Variants in DENND5A observed in about 807,000 individuals in gnomAD.
DENND5A encodes DENN domain containing 5A.
In DENND5A, 64 loss-of-function variants were observed where a neutral mutation model predicts 140.3. That is an observed-to-expected ratio of 0.46 (90% CI 0.37 to 0.56). The LOEUF is 0.56. DENND5A is among the 20% of genes least tolerant of loss of function. The pLI, the probability that DENND5A is intolerant of heterozygous loss-of-function variation, is 0.00. For synonymous variants in DENND5A, 605 were observed against 607.7 expected (o/e 1.00, Z 0.07); for missense variants, 1,292 against 1,593.8 (o/e 0.81, Z 3.22).
intron 1 of DENND5A, among the ~76,000 whole-genome samples, chr11:9,243,019 C>CAGAAGTTGCA (rs1851301857): frequency 7.3e-6 from 1 of 137,168 alleles, no homozygotes; most frequent in Non-Finnish European, 1.5e-5. Context: ...GCCCAGGAGG[C>CAGAAGTTGCA]AGAAGTTGCA....
At position 9,160,752 on chromosome 11, in the gene DENND5A, G is replaced by A. The variant is rs766543790; in HGVS notation, c.2397C>T (p.Leu799=). The change falls in exon 12 of 23, where the codon CTC becomes CTT. Residue 799 remains leucine, a synonymous_variant. Transcript: ENST00000328194. ...GTCCATGACTCCAGATCCTTTCCAG[G>A]AGATCACAAAGGCTGGCAATCAGGG... The part of the protein sequence containing the change: ...ENTLIASLCD[L]LERIWSHGLQ... 16 of 1,613,486 alleles carry A rather than the reference G, an allele frequency of 9.9e-6. No homozygotes were observed. Among genetic ancestry groups the A allele is most frequent in the Non-Finnish European group, 1.4e-5 (16 of 1,179,620 alleles).
At chr11:9,235,595 T>G (rs1278963827) in intron 1 of DENND5A, among the ~76,000 whole-genome samples, 1 of 151,102 alleles carries the variant, frequency 6.6e-6, no homozygotes, top group Non-Finnish European at 1.5e-5. Context: ...GAGATGGAGG[T>G]TGCAGTGAGC....
Position 9,144,259 on chromosome 11 carries a change from ACCACCGG to A in DENND5A, c.3135_3141del (p.Arg1046Ter). ...CTTCCATCATCCATGCCCTTCCCTA[ACCACCGG>A]CCACACGGGAACCTGAAGATCAGAC... is the stretch of plus-strand genomic sequence containing the variant. On this transcript the variant is annotated frameshift_variant, in exon 19 of 23. Coordinates refer to ENST00000328194, the MANE Select transcript of DENND5A (RefSeq NM_015213.4). LOFTEE classifies it high-confidence loss of function. The A allele has an allele frequency of 6.2e-7, 1 of 1,613,936 alleles. No homozygotes were observed. The highest frequency in any genetic ancestry group is 8.5e-7 in the Non-Finnish European group (1 of 1,179,966).
At chr11:9,254,258 C>T (rs562753335) in intron 1 of DENND5A, among the ~76,000 whole-genome samples, 29 of 151,276 alleles carry the variant, frequency 1.9e-4, no homozygotes, top group Non-Finnish European at 4.0e-4. Context: ...CTCAGAAATT[C>T]GAGGCTCAGA....
rs536306782 is a variant in DENND5A at position 9,197,947 on chromosome 11, A to G, written c.950-4266T>C. Among the ~76,000 whole-genome samples the G allele has an allele frequency of 2.0e-5, 3 of 152,294 alleles. No homozygotes were observed. The South Asian group carries it at 6.2e-4, about 32-fold the overall frequency. On this transcript the variant is annotated intron_variant, in intron 4 of 22. Coordinates refer to ENST00000328194, the MANE Select transcript of DENND5A (RefSeq NM_015213.4). The stretch of plus-strand genomic sequence containing the variant: ...AAAATATCATTGGAGATTTCTTACC[A>G]ACGTCCACTTAGCCAACTCACTTTA...
chr11:9,252,096 G>C (rs1401206944), intron 1 of DENND5A, among the ~76,000 whole-genome samples: 1 of 149,418 alleles, frequency 6.7e-6, no homozygotes, highest in Non-Finnish European at 1.5e-5. Flanking sequence ...TCCAGAGATG[G>C]AGACCATTCT....
Position 9,152,449 on chromosome 11 carries a change from C to G in DENND5A, c.2437-7G>C. The G allele has an allele frequency of 6.2e-7, 1 of 1,601,904 alleles. No homozygotes were observed. Among genetic ancestry groups the G allele is most frequent in the Non-Finnish European group, 8.6e-7 (1 of 1,168,856 alleles). ...ACCATAAGGCTGATTTCCCCTGGAACCAATGCAAGGGAGAAACACCTATCA... is the reference window on the plus strand; with the variant it reads ...ACCATAAGGCTGATTTCCCCTGGAAGCAATGCAAGGGAGAAACACCTATCA... On this transcript the variant is annotated splice_polypyrimidine_tract_variant and splice_region_variant and intron_variant, in intron 12 of 22. Transcript: ENST00000328194.
At chr11:9,255,480 T>A (rs1851906644) in intron 1 of DENND5A, among the ~76,000 whole-genome samples, 1 of 152,158 alleles carries the variant, frequency 6.6e-6, no homozygotes, top group South Asian at 2.1e-4. Flanking sequence ...ACCTGTAATC[T>A]CAGCACTTTG....
At chr11:9,163,500 C>T (rs1431399349) in intron 11 of DENND5A, among the ~76,000 whole-genome samples, 1 of 152,018 alleles carries the variant, frequency 6.6e-6, no homozygotes, top group African/African-American at 2.4e-5. Flanking sequence ...CATCTCATGA[C>T]TTAAGAATTT....
At position 9,204,300 on chromosome 11, in the gene DENND5A, C is replaced by A. The variant is rs758697950; in HGVS notation, c.309G>T (p.Gly103=). 1 of 1,611,032 alleles carries A rather than the reference C, an allele frequency of 6.2e-7. No individual in the cohort carries two copies. The highest frequency in any genetic ancestry group is 8.5e-7 in the Non-Finnish European group (1 of 1,179,848). Residue 103 remains glycine, a synonymous_variant, in exon 4 of 23, where the codon GGG becomes GGT. Transcript: ENST00000328194. ...GATCAGCCTGGGTCTTGAATGCCAG[C>A]CCTTTCGGCATACATAGCTGCAAAA... ...DAVGMLCMPK[G]LAFKTQADPR...
At chr11:9,173,964 G>A (rs111249740) in intron 8 of DENND5A, among the ~76,000 whole-genome samples, 11,434 of 151,694 alleles carry the variant, frequency 0.075, 567 homozygotes, top group Non-Finnish European at 0.11. Flanking sequence ...GCTGGGCTGC[G>A]CAGTGGCGAG....
At chr11:9,140,193 C>T in intron 22 of DENND5A, 1 of 1,353,840 alleles carries the variant, frequency 7.4e-7, no homozygotes, top group Non-Finnish European at 9.7e-7. Flanking sequence ...ACTAACCTCA[C>T]ATAACACTCA....
chr11:9,259,142 C>G (rs1043177185), intron 1 of DENND5A, among the ~76,000 whole-genome samples: 2 of 152,028 alleles, frequency 1.3e-5, no homozygotes, highest in Non-Finnish European at 2.9e-5. Flanking sequence ...TGCCTGTAAT[C>G]CCAGCTACTT....
intron 14 of DENND5A, 72 bp downstream of exon 14, chr11:9,150,607 AC>A: frequency 2.9e-6 from 3 of 1,030,488 alleles, no homozygotes; most frequent in Non-Finnish European, 4.4e-6. Flanking sequence ...AGACCTTGTT[AC>A]TAAAAGTGGA....
chr11:9,192,647 A>C (rs28560164), intron 5 of DENND5A, among the ~76,000 whole-genome samples: 3 of 151,206 alleles, frequency 2.0e-5, no homozygotes, highest in Admixed American at 6.6e-5. Flanking sequence ...ACAAAAAAAA[A>C]CAAAAAAAAA....
At chr11:9,148,658 TG>T (rs1184820463) in intron 15 of DENND5A, among the ~76,000 whole-genome samples, 1 of 151,786 alleles carries the variant, frequency 6.6e-6, no homozygotes, top group Non-Finnish European at 1.5e-5. Context: ...GGAGAAGAAG[TG>T]GGGGTAAGCT....
chr11:9,191,519 C>T (rs1323029278), intron 5 of DENND5A, among the ~76,000 whole-genome samples: 2 of 152,206 alleles, frequency 1.3e-5, no homozygotes, highest in African/African-American at 4.8e-5. Context: ...GGATTATAGG[C>T]GTGAGCCACC....
intron 10 of DENND5A, among the ~76,000 whole-genome samples, chr11:9,167,475 T>TAAAAAAAAAAAAAAAAAAAAAA (rs547949319): frequency 8.4e-6 from 1 of 119,450 alleles, no homozygotes; most frequent in Non-Finnish European, 1.7e-5. Flanking sequence ...GATGAAAGAT[T>TAAAAAAAAAAAAAAAAAAAAAA]AAAAAAAAAA....
chr11:9,188,698 A>G (rs1849006700), intron 5 of DENND5A, among the ~76,000 whole-genome samples: 1 of 152,150 alleles, frequency 6.6e-6, no homozygotes, highest in Non-Finnish European at 1.5e-5. Context: ...CCCCTACCCT[A>G]GAGATTTGTG....
Sources: gnomAD v4.1 joint callset for allele counts (sites outside exome capture counted in the v4.1 genomes callset) on GRCh38, gnomAD v4.1.1 for gene constraint, MANE v1.5 for transcripts, NCBI Gene and HGNC (gene_info 2026-07-23, HGNC 2026-07-21) for gene names.